The following RABGAP1L variants were observed in gnomAD, a reference collection of about 807,000 sequenced individuals.
The protein encoded by RABGAP1L is rab GTPase-activating protein 1-like.
In RABGAP1L, 63 loss-of-function variants were observed where a neutral mutation model predicts 137.7. The observed-to-expected ratio is 0.46, with a 90% CI of 0.37 to 0.56. RABGAP1L has a LOEUF of 0.56. Ranked by LOEUF, RABGAP1L falls within the 20% of genes least tolerant of loss-of-function variation. The pLI, the probability that RABGAP1L is intolerant of heterozygous loss-of-function variation, is 0.00. For synonymous variants in RABGAP1L, 431 were observed against 433.7 expected (o/e 0.99, Z 0.08); for missense variants, 1,095 against 1,244.0 (o/e 0.88, Z 1.80).
intron 13 of RABGAP1L, among the ~76,000 whole-genome samples, chr1:174,552,912 G>A (rs1350211250): frequency 6.6e-6 from 1 of 152,098 alleles, no homozygotes; most frequent in Non-Finnish European, 1.5e-5. Context: ...TTTAATAACA[G>A]CCATTCTGAC....
At chr1:174,366,515 A>G (rs1226321155) in intron 11 of RABGAP1L, among the ~76,000 whole-genome samples, 1 of 152,100 alleles carries the variant, frequency 6.6e-6, no homozygotes, top group African/African-American at 2.4e-5. Context: ...CATGCCTGTA[A>G]TCCCAGCACT....
intron 15 of RABGAP1L, among the ~76,000 whole-genome samples, chr1:174,685,592 C>G (rs1225237228): frequency 8.8e-6 from 1 of 113,854 alleles, no homozygotes; most frequent in Non-Finnish European, 1.8e-5. Context: ...TAGATGAAGT[C>G]TACCTCTGTC....
intron 11 of RABGAP1L, among the ~76,000 whole-genome samples, chr1:174,315,423 A>G (rs1213444079): frequency 1.3e-5 from 2 of 152,006 alleles, no homozygotes; most frequent in South Asian, 4.2e-4. Flanking sequence ...CAACAGATCA[A>G]TGGGTTTTGC....
chr1:174,273,667 G>A (rs10912754), intron 8 of RABGAP1L, among the ~76,000 whole-genome samples: 58,982 of 151,760 alleles, frequency 0.39, 14,481 homozygotes, highest in African/African-American at 0.7. Flanking sequence ...TTGAGGTAAT[G>A]AAAACTTTTA....
At chr1:174,734,783 A>G (rs1247589389) in intron 17 of RABGAP1L, among the ~76,000 whole-genome samples, 1 of 152,158 alleles carries the variant, frequency 6.6e-6, no homozygotes, top group Non-Finnish European at 1.5e-5. Flanking sequence ...ATCATGTCCA[A>G]TAGAAATAGA....
At chr1:174,866,110 G>GGGGAGAGA (rs1157913092) in intron 19 of RABGAP1L, among the ~76,000 whole-genome samples, 4 of 65,796 alleles carry the variant, frequency 6.1e-5, no homozygotes, top group African/African-American at 2.3e-4. Flanking sequence ...GGAGGGAGGG[G>GGGGAGAGA]GAGAGAGAGA....
chr1:174,439,397 G>A (rs972841854), intron 13 of RABGAP1L, among the ~76,000 whole-genome samples: 1 of 152,040 alleles, frequency 6.6e-6, no homozygotes, highest in Admixed American at 6.6e-5. Flanking sequence ...CACTTCAGAG[G>A]GTTTATTTGA....
chr1:174,200,312 A>G (rs942489910), intron 1 of RABGAP1L, among the ~76,000 whole-genome samples: 2 of 152,234 alleles, frequency 1.3e-5, no homozygotes, highest in Admixed American at 6.5e-5. Flanking sequence ...TCTTTGGCAA[A>G]TTAACAAAGT....
intron 7 of RABGAP1L, among the ~76,000 whole-genome samples, chr1:174,267,897 A>G (rs538013120): frequency 6.6e-6 from 1 of 152,210 alleles, no homozygotes; most frequent in Non-Finnish European, 1.5e-5. Flanking sequence ...ATCATTTTAT[A>G]TGCAGTTTTG....
chr1:174,486,163 A>T, intron 13 of RABGAP1L, among the ~76,000 whole-genome samples: 1 of 150,260 alleles, frequency 6.7e-6, no homozygotes, highest in East Asian at 1.9e-4. Context: ...TTGAACATCT[A>T]CAGCATCAGT....
intron 19 of RABGAP1L, chr1:174,875,489 C>A (rs1190748855): frequency 3.1e-6 from 3 of 980,290 alleles, no homozygotes; most frequent in Non-Finnish European, 3.6e-6. Context: ...GAAGTACTTT[C>A]TTTACCTTCC....
intron 24 of RABGAP1L, among the ~76,000 whole-genome samples, chr1:174,987,985 A>C (rs182023624): frequency 6.6e-6 from 1 of 151,942 alleles, no homozygotes; most frequent in African/African-American, 2.4e-5. Context: ...AATTTTTTGT[A>C]TTTTTAGTAG....
At chr1:174,255,494 A>G (rs1043392709) in intron 7 of RABGAP1L, among the ~76,000 whole-genome samples, 4 of 152,138 alleles carry the variant, frequency 2.6e-5, no homozygotes, top group Admixed American at 2.6e-4. Context: ...AAAATCTCAG[A>G]TATTGATGAC....
chr1:174,835,326 G>GT (rs1692621357), intron 19 of RABGAP1L, among the ~76,000 whole-genome samples: 3 of 152,048 alleles, frequency 2.0e-5, no homozygotes, highest in Non-Finnish European at 2.9e-5. Context: ...AACTAAAGAG[G>GT]TTTTTAAAAT....
In RABGAP1L at chr1:174,990,399, GA is replaced by G. The variant is rs76971521; in HGVS notation, c.*408del. On this transcript the variant is annotated 3_prime_UTR_variant, in exon 26 of 26. Transcript: ENST00000681986. ...AGTGATAAGAAGATCTTTGTCACAG[GA>G]AAAAAAAAATTGAAACCTAAACATC... 28 of 151,642 alleles carry G rather than the reference GA, an allele frequency of 1.8e-4. No individual in the cohort carries two copies. The highest frequency in any genetic ancestry group is 8.3e-4 in the South Asian group (4 of 4,848). The allele number at this position is 151,642 out of a possible 1,614,324, so 9.4% of individuals were successfully genotyped here.
chr1:174,325,724 G>T (rs1476177301), intron 11 of RABGAP1L, among the ~76,000 whole-genome samples: 4 of 152,200 alleles, frequency 2.6e-5, no homozygotes, highest in Non-Finnish European at 4.4e-5. Context: ...CACAAGTCCT[G>T]ATGGGGCCCA....
At chr1:174,891,461 AGTTTGCCAAAAAG>A (rs1457557428) in intron 19 of RABGAP1L, among the ~76,000 whole-genome samples, 2 of 152,128 alleles carry the variant, frequency 1.3e-5, no homozygotes, top group African/African-American at 4.8e-5. Context: ...TTTAAATTGA[AGTTTGCCAAAAAG>A]GTGTAGTCCC....
chr1:174,968,500 G>GTTTTTTTTTTTTTTTTTTTTTTTTT (rs5778822), intron 20 of RABGAP1L, among the ~76,000 whole-genome samples: 1 of 147,032 alleles, frequency 6.8e-6, no homozygotes. Context: ...TAGTGACTTG[G>GTTTTTTTTTTTTTTTTTTTTTTTTT]TTTTTTTTTT....
chr1:174,701,013 A>T (rs954330728), intron 16 of RABGAP1L: 25 of 1,263,644 alleles, frequency 2.0e-5, no homozygotes, highest in Non-Finnish European at 2.5e-5. Flanking sequence ...CATTTGAAGT[A>T]CCTAATGGGC....
Sources: allele counts gnomAD v4.1 joint callset (sites outside exome capture counted in the v4.1 genomes callset), GRCh38; gene constraint gnomAD v4.1.1; transcripts MANE v1.5; gene names NCBI Gene and HGNC (gene_info 2026-07-23, HGNC 2026-07-21).